LHFPL2: variants seen among roughly 807,000 people sequenced by gnomAD.
LHFPL2 encodes LHFPL tetraspan subfamily member 2 protein.
Under a neutral mutation model 17.5 loss-of-function variants are expected in LHFPL2, and 7 were observed. The ratio of observed to expected loss-of-function variants is 0.40; its 90% confidence interval spans 0.23 to 0.75. The LOEUF (loss-of-function observed/expected upper bound fraction) is 0.75. LHFPL2 is among the 30% of genes least tolerant of loss of function. The pLI is 0.37. For missense variants in LHFPL2, 241 were observed against 294.8 expected, an observed-to-expected ratio of 0.82 and a Z score of 1.34; for synonymous variants, 134 against 116.2, an observed-to-expected ratio of 1.15 and a Z score of -0.99.
chr5:78,560,707 C>T (rs1173002382), intron 3 of LHFPL2, among the ~76,000 whole-genome samples: 1 of 151,180 alleles, frequency 6.6e-6, no homozygotes, highest in Non-Finnish European at 1.5e-5. Context: ...GTTTGCTATG[C>T]ATTTTTTCTT....
intron 2 of LHFPL2, among the ~76,000 whole-genome samples, chr5:78,605,219 A>C (rs1744172101): frequency 6.6e-6 from 1 of 152,220 alleles, no homozygotes; most frequent in Non-Finnish European, 1.5e-5. Flanking sequence ...AGGCCATTTT[A>C]ATGAAAAGTG....
At position 78,585,119 on chromosome 5, in the gene LHFPL2, G is replaced by T. The variant is rs1250359262; in HGVS notation, c.-244-20248C>A. Among the ~76,000 whole-genome samples, 7 of 102,894 alleles carry T rather than the reference G, an allele frequency of 6.8e-5. 2 individuals are homozygous for T. Among genetic ancestry groups the T allele is most frequent in the African/African-American group, 2.4e-4 (7 of 28,656 alleles). The allele number at this position is 102,894 out of a possible 152,430, so 67.5% of individuals were successfully genotyped here. A position where few individuals can be genotyped will look rare whatever the true frequency, so the allele number is the denominator to read the frequency against. On this transcript the variant is annotated intron_variant, in intron 2 of 4. Coordinates refer to ENST00000380345, the MANE Select transcript of LHFPL2 (RefSeq NM_005779.3). The stretch of plus-strand genomic sequence containing the variant: ...CCTCCCGGGTTCACGCCATTCTCCT[G>T]CCTCAGCCTCCCAAGTAGCTGGGAC...
Position 78,584,334 on chromosome 5 carries a change from A to G in LHFPL2, c.-244-19463T>C, listed in dbSNP as rs970639228. Among the ~76,000 whole-genome samples the G allele has an allele frequency of 3.6e-3, 554 of 152,320 alleles. 4 individuals carry two copies. The highest frequency in any genetic ancestry group is 0.011 in the African/African-American group (460 of 41,564). On this transcript the variant is annotated intron_variant, in intron 2 of 4. Transcript: ENST00000380345. ...TGTTCCGTTGCTGGTGAGGAACTGC[A>G]TTCCTTTGGAGGAGGAGAGGCGCCC...
At chr5:78,514,532 G>A (rs76208885) in intron 3 of LHFPL2, among the ~76,000 whole-genome samples, 2,580 of 152,270 alleles carry the variant, frequency 0.017, 69 homozygotes, top group African/African-American at 0.057. Flanking sequence ...GAGCTGAGCC[G>A]GGGTTTGTCA....
Position 78,578,342 on chromosome 5 carries a change from G to T in LHFPL2, c.-244-13471C>A, listed in dbSNP as rs375241652. On this transcript the variant is annotated intron_variant, in intron 2 of 4. Transcript: ENST00000380345. Reference sequence around the variant, plus strand: ...TGAAAGAAATATAACCTCAGGGGCTGGGAAGAGGAGGAGTGAGAACCACTT... The same window carrying T: ...TGAAAGAAATATAACCTCAGGGGCTTGGAAGAGGAGGAGTGAGAACCACTT... 5.4e-4 allele frequency among the ~76,000 whole-genome samples: 82 copies of T among 152,288 alleles called. 4 individuals carry two copies. Among genetic ancestry groups the T allele is most frequent in the African/African-American group, 1.9e-3 (77 of 41,542 alleles).
intron 3 of LHFPL2, among the ~76,000 whole-genome samples, chr5:78,531,525 C>T (rs1431952753): frequency 1.3e-5 from 2 of 152,126 alleles, no homozygotes; most frequent in East Asian, 3.9e-4. Flanking sequence ...TATGGCACTG[C>T]TATACTGAAA....
intron 2 of LHFPL2, among the ~76,000 whole-genome samples, chr5:78,602,611 G>C (rs532235108): frequency 1.1e-4 from 17 of 152,234 alleles, no homozygotes; most frequent in African/African-American, 3.4e-4. Context: ...ACATCAATTC[G>C]TATAGAAATC....
chr5:78,529,344 C>A (rs7719483), intron 3 of LHFPL2, among the ~76,000 whole-genome samples: 66,033 of 152,056 alleles, frequency 0.43, 14,512 homozygotes, highest in Middle Eastern at 0.48. Context: ...CCTGTAGCAA[C>A]TGCCTTCATA....
intron 2 of LHFPL2, among the ~76,000 whole-genome samples, chr5:78,586,795 A>G (rs1286164556): frequency 6.6e-6 from 1 of 152,260 alleles, no homozygotes; most frequent in African/African-American, 2.4e-5. Flanking sequence ...TTAATACAGT[A>G]TAAGTTATAT....
intron 2 of LHFPL2, chr5:78,625,428 G>A (rs2112505500): frequency 6.6e-6 from 1 of 152,264 alleles, no homozygotes; most frequent in East Asian, 1.9e-4. Context: ...CAACTTCAGA[G>A]GGCACCACTC....
intron 2 of LHFPL2, among the ~76,000 whole-genome samples, chr5:78,597,516 G>C (rs947672779): frequency 6.6e-6 from 1 of 152,170 alleles, no homozygotes; most frequent in Non-Finnish European, 1.5e-5. Flanking sequence ...TCAACATGAC[G>C]TAAGAGTTTG....
At chr5:78,595,215 T>C (rs1743783801) in intron 2 of LHFPL2, among the ~76,000 whole-genome samples, 1 of 152,220 alleles carries the variant, frequency 6.6e-6, no homozygotes, top group Non-Finnish European at 1.5e-5. Context: ...GGATTCTCCT[T>C]CCTGGAGACA....
In LHFPL2 at chr5:78,533,124, T is replaced by G. The variant is rs1187997065; in HGVS notation, c.-185-22726A>C. On this transcript the variant is annotated intron_variant, in intron 3 of 4. Transcript: ENST00000380345. Reference sequence around the variant, plus strand: ...TCAGGATGCTAAGGATTTACTGCTCTACGGGGGTGAAAACTAATTCCTTAG... The same window carrying G: ...TCAGGATGCTAAGGATTTACTGCTCGACGGGGGTGAAAACTAATTCCTTAG... Among the ~76,000 whole-genome samples the G allele has an allele frequency of 4.6e-5, 7 of 152,342 alleles. No homozygotes were observed. The East Asian group carries it at 1.3e-3, about 29-fold the overall frequency.
intron 3 of LHFPL2, among the ~76,000 whole-genome samples, chr5:78,548,830 A>G (rs183386153): frequency 6.1e-4 from 93 of 152,342 alleles, no homozygotes; most frequent in African/African-American, 2.0e-3. Context: ...CACCTGATTC[A>G]GGTTTCTGGA....
intron 2 of LHFPL2, among the ~76,000 whole-genome samples, chr5:78,627,005 C>A (rs1459238032): frequency 1.2e-4 from 18 of 151,992 alleles, no homozygotes; most frequent in Admixed American, 1.2e-3. Flanking sequence ...TGCTTGAACC[C>A]GGGAGGCAGA....
intron 2 of LHFPL2, among the ~76,000 whole-genome samples, chr5:78,616,752 CTT>C (rs200811201): frequency 0.012 from 1,756 of 152,304 alleles, 24 homozygotes; most frequent in African/African-American, 0.035. Flanking sequence ...GAGTCTGACT[CTT>C]CTCAATGACC....
At chr5:78,642,942 C>G (rs1241343207) in intron 1 of LHFPL2, among the ~76,000 whole-genome samples, 2 of 152,152 alleles carry the variant, frequency 1.3e-5, no homozygotes, top group Non-Finnish European at 2.9e-5. Context: ...TTTCTGCACT[C>G]TGGTACTAGC....
intron 3 of LHFPL2, among the ~76,000 whole-genome samples, chr5:78,530,789 TAGA>T (rs1580780239): frequency 1.3e-5 from 2 of 152,252 alleles, no homozygotes; most frequent in Non-Finnish European, 2.9e-5. Flanking sequence ...CCATTTATTC[TAGA>T]AGGATTAGGA....
intron 3 of LHFPL2, among the ~76,000 whole-genome samples, chr5:78,513,403 C>G (rs980031728): frequency 1.3e-5 from 2 of 152,160 alleles, no homozygotes; most frequent in African/African-American, 4.8e-5. Context: ...CACACCCATA[C>G]AAGATTGGCT....
Sources: allele counts gnomAD v4.1 joint callset (sites outside exome capture counted in the v4.1 genomes callset), GRCh38; gene constraint gnomAD v4.1.1; transcripts MANE v1.5; gene names NCBI Gene and HGNC (gene_info 2026-07-23, HGNC 2026-07-21).